Variants in PCDHA5 observed in about 807,000 individuals in gnomAD.
PCDHA5 encodes the protein protocadherin alpha-5.
PCDHA5 carries 43 observed loss-of-function variants against 61.6 expected under a neutral mutation model. That is an observed-to-expected ratio of 0.70 (90% CI 0.55 to 0.90). The LOEUF is 0.90. Among genes scored for constraint, PCDHA5 ranks in the 40% least tolerant of loss-of-function variants. The pLI, the probability that PCDHA5 is intolerant of heterozygous loss-of-function variation, is 0.00. For synonymous variants in PCDHA5, 627 were observed against 543.9 expected (o/e 1.15, Z -2.13); for missense variants, 1,298 against 1,222.7 (o/e 1.06, Z -0.92).
At chr5:140,965,861 T>C (rs971753310) in intron 1 of PCDHA5, among the ~76,000 whole-genome samples, 3 of 152,192 alleles carry the variant, frequency 2.0e-5, no homozygotes, top group African/African-American at 7.2e-5. Flanking sequence ...ACACTGAAAA[T>C]AAGGGCCACT....
At chr5:140,847,326 T>C (rs1171959432) in intron 1 of PCDHA5, 3 of 149,816 alleles carry the variant, frequency 2.0e-5, no homozygotes, top group African/African-American at 7.3e-5. Flanking sequence ...GAAGCAATTG[T>C]TAAATGCACC....
chr5:140,858,296 C>T, intron 1 of PCDHA5: 1 of 1,597,390 alleles, frequency 6.3e-7, no homozygotes, highest in East Asian at 2.2e-5. Flanking sequence ...GTCTTACTCG[C>T]AGCAGAGGCG....
chr5:140,938,484 A>G (rs914020751), intron 1 of PCDHA5, among the ~76,000 whole-genome samples: 14 of 152,182 alleles, frequency 9.2e-5, no homozygotes, highest in African/African-American at 2.9e-4. Flanking sequence ...TTTAAAAATC[A>G]TGAATAGGCA....
intron 1 of PCDHA5, chr5:140,883,026 A>C (rs1562783010): frequency 6.2e-7 from 1 of 1,614,190 alleles, no homozygotes; most frequent in Non-Finnish European, 8.5e-7. Context: ...ACGGTGTTAG[A>C]GAACGCCTTC....
At chr5:140,891,400 G>A (rs1220760247) in intron 1 of PCDHA5, among the ~76,000 whole-genome samples, 1 of 150,966 alleles carries the variant, frequency 6.6e-6, no homozygotes, top group Non-Finnish European at 1.5e-5. Flanking sequence ...TTTATCCCTC[G>A]CCACCCCCCA....
In PCDHA5 at chr5:140,834,800, T is replaced by A; in HGVS notation, c.2352+10673T>A. 3 of 1,612,758 alleles carry A rather than the reference T, an allele frequency of 1.9e-6. No homozygotes were observed. Among genetic ancestry groups the A allele is most frequent in the Non-Finnish European group, 2.5e-6 (3 of 1,179,706 alleles). On this transcript the variant is annotated intron_variant, in intron 1 of 3. Transcript: ENST00000529859. The stretch of plus-strand genomic sequence containing the variant: ...CGGTGTTCCCAGCGACACAAAGGAA[T>A]CTGTTCATCGCGGAATCCAGGCCGC...
intron 1 of PCDHA5, among the ~76,000 whole-genome samples, chr5:140,894,258 G>T (rs2153446538): frequency 6.6e-6 from 1 of 151,918 alleles, no homozygotes; most frequent in South Asian, 2.1e-4. Flanking sequence ...TTCTTTACAA[G>T]TGGTAGCTTA....
At chr5:141,008,299 C>T (rs1223779122) in intron 3 of PCDHA5, among the ~76,000 whole-genome samples, 2 of 152,120 alleles carry the variant, frequency 1.3e-5, no homozygotes, top group Non-Finnish European at 2.9e-5. Flanking sequence ...TGTACCCAAC[C>T]CTAAACTGTA....
rs191125107 is a variant in PCDHA5 at position 140,991,229 on chromosome 5, G to A, written c.2500+8666G>A. 1.4e-3 allele frequency among the ~76,000 whole-genome samples: 211 copies of A among 152,246 alleles called. 1 individual carries two copies. The highest frequency in any genetic ancestry group is 4.8e-3 in the African/African-American group (201 of 41,560). On this transcript the variant is annotated intron_variant, in intron 3 of 3. Coordinates refer to ENST00000529859, the MANE Select transcript of PCDHA5 (RefSeq NM_018908.3). ...AATTTTGTTAAATTCATTAATAAAT[G>A]CAGTGGTAAAGGCAGTATTTGAACT... is the stretch of plus-strand genomic sequence containing the variant.
rs576230620 is a variant in PCDHA5 at position 140,948,680 on chromosome 5, T to C, written c.2353-30269T>C. 2.0e-5 allele frequency among the ~76,000 whole-genome samples: 3 copies of C among 151,762 alleles called. No homozygotes were observed. The South Asian group carries it at 6.2e-4, about 31-fold the overall frequency. On this transcript the variant is annotated intron_variant, in intron 1 of 3. Coordinates refer to ENST00000529859, the MANE Select transcript of PCDHA5 (RefSeq NM_018908.3). Reference sequence around the variant, plus strand: ...ATCTGTAGTGATAACATCTTTTTCATTTTTGATATTGGTGATTTGTGTTCT... The same window carrying C: ...ATCTGTAGTGATAACATCTTTTTCACTTTTGATATTGGTGATTTGTGTTCT...
chr5:140,926,799 T>A, intron 1 of PCDHA5: 2 of 1,456,322 alleles, frequency 1.4e-6, no homozygotes, highest in Non-Finnish European at 1.8e-6. Flanking sequence ...GAGCGTGCTC[T>A]TCCCCGCGGC....
chr5:140,985,900 C>A (rs896937826), intron 3 of PCDHA5, among the ~76,000 whole-genome samples: 2 of 151,872 alleles, frequency 1.3e-5, no homozygotes, highest in Non-Finnish European at 2.9e-5. Context: ...CCACCACTCC[C>A]GTCTAATTTT....
chr5:140,850,333 C>G lies in PCDHA5; in HGVS notation c.2352+26206C>G, dbSNP rs2150480069. 3.1e-6 allele frequency: 5 copies of G among 1,597,624 alleles called. 1 individual carries two copies. The highest frequency in any genetic ancestry group is 4.3e-6 in the Non-Finnish European group (5 of 1,167,680). ...GCGTGGCTTTCATACGAGCTGCAGC[C>G]AGAAACGGCCAGCGCGAGCATCCCG... On this transcript the variant is annotated intron_variant, in intron 1 of 3. Coordinates refer to ENST00000529859, the MANE Select transcript of PCDHA5 (RefSeq NM_018908.3).
intron 1 of PCDHA5, among the ~76,000 whole-genome samples, chr5:140,844,013 C>A (rs1015377164): frequency 2.0e-5 from 3 of 149,622 alleles, no homozygotes; most frequent in Non-Finnish European, 3.0e-5. Flanking sequence ...ACTCTAAGGA[C>A]GTTCAGGGCA....
chr5:140,823,570 G>A lies in PCDHA5; in HGVS notation c.1795G>A (p.Asp599Asn), dbSNP rs2150127003. The A allele has an allele frequency of 1.9e-5, 31 of 1,613,864 alleles. No homozygotes were observed. Among genetic ancestry groups the A allele is most frequent in the Non-Finnish European group, 2.6e-5 (31 of 1,179,924 alleles). The part of the protein sequence containing the change: ...VVAKVRAVDP[D>N]SGYNAWLSYE... ...GGCGAAGGTGCGCGCAGTGGACCCT[G>A]ATTCGGGCTACAACGCTTGGCTTTC... is the stretch of plus-strand genomic sequence containing the variant. Residue 599 changes from aspartate (D) to asparagine (N), a missense_variant, in exon 1 of 4, where the codon GAT becomes AAT. Coordinates refer to ENST00000529859, the MANE Select transcript of PCDHA5 (RefSeq NM_018908.3).
Position 140,882,272 on chromosome 5 carries a change from C to G in PCDHA5, c.2352+58145C>G, listed in dbSNP as rs782377951. On this transcript the variant is annotated intron_variant, in intron 1 of 3. Transcript: ENST00000529859. ...TCTGAGGTTTTTGGAGTGTACCATG[C>G]TGTCTTCCTGGCAAGGAGGCCCAAG... The G allele has an allele frequency of 5.0e-6, 8 of 1,611,430 alleles. No individual in the cohort carries two copies. The highest frequency in any genetic ancestry group is 6.8e-6 in the Non-Finnish European group (8 of 1,178,456).
In PCDHA5 at chr5:141,010,363, G is replaced by A; in HGVS notation, c.*426G>A. On this transcript the variant is annotated 3_prime_UTR_variant, in exon 4 of 4. Coordinates refer to ENST00000529859, the MANE Select transcript of PCDHA5 (RefSeq NM_018908.3). ...CACTGGGTATGTGTGGCTACCGCGG[G>A]TATGCGAGTGCCAGATATTGGCTGA... 7 of 1,480,446 alleles carry A rather than the reference G, an allele frequency of 4.7e-6. No homozygotes were observed. The highest frequency in any genetic ancestry group is 5.4e-6 in the Non-Finnish European group (6 of 1,112,646). 91.7% of individuals were successfully genotyped at this position (1,480,446 alleles called of 1,614,324 possible). A position where few individuals can be genotyped will look rare whatever the true frequency, so the allele number is the denominator to read the frequency against.
chr5:140,833,965 GA>G (rs2150212449), intron 1 of PCDHA5, among the ~76,000 whole-genome samples: 47 of 152,008 alleles, frequency 3.1e-4, no homozygotes, highest in South Asian at 4.2e-4. Context: ...AAAACTGTGT[GA>G]AAAAAAAGTT....
chr5:140,929,205 G>A (rs201292001), intron 1 of PCDHA5: 14 of 1,614,120 alleles, frequency 8.7e-6, no homozygotes, highest in Non-Finnish European at 1.2e-5. Flanking sequence ...GTTTGCTGTT[G>A]CGTGGGGAGT....
Sources: gnomAD v4.1 joint callset for allele counts (sites outside exome capture counted in the v4.1 genomes callset) on GRCh38, gnomAD v4.1.1 for gene constraint, MANE v1.5 for transcripts, NCBI Gene and HGNC (gene_info 2026-07-23, HGNC 2026-07-21) for gene names.